The following CRYZ variants were observed in gnomAD, a reference collection of about 807,000 sequenced individuals.
The protein encoded by CRYZ is zeta-crystallin.
A neutral mutation model predicts 34.1 loss-of-function variants in CRYZ; 35 were observed. The observed-to-expected ratio is 1.03, with a 90% CI of 0.78 to 1.36. The LOEUF is 1.36. Ranked by LOEUF, CRYZ falls within the 40% of genes most tolerant of loss-of-function variation. The pLI, the probability that CRYZ is intolerant of heterozygous loss-of-function variation, is 0.00. For missense variants in CRYZ, 403 were observed against 391.8 expected, an observed-to-expected ratio of 1.03 and a Z score of -0.24; for synonymous variants, 137 against 136.5, an observed-to-expected ratio of 1.00 and a Z score of -0.03.
At chr1:74,709,579 C>A (rs868809988) in intron 6 of CRYZ, among the ~76,000 whole-genome samples, 1 of 152,194 alleles carries the variant, frequency 6.6e-6, no homozygotes, top group Non-Finnish European at 1.5e-5. Flanking sequence ...AAGTGAAGAA[C>A]TTCAGAATCT....
At position 74,724,695 on chromosome 1, in the gene CRYZ, G is replaced by GTAATTT; in HGVS notation, c.111+10_111+15dup. On this transcript the variant is annotated intron_variant, in intron 2 of 8. Coordinates refer to ENST00000340866, the MANE Select transcript of CRYZ (RefSeq NM_001889.4). The stretch of plus-strand genomic sequence containing the variant: ...TCAGTATAATTATAGCCTCAATAAA[G>GTAATTT]TAATTTTATTTCTACCTGATGGTCT... 5.3e-6 allele frequency: 8 copies of GTAATTT among 1,504,368 alleles called. No individual in the cohort carries two copies. Among genetic ancestry groups the GTAATTT allele is most frequent in the Non-Finnish European group, 6.4e-6 (7 of 1,085,774 alleles). 93.2% of individuals were successfully genotyped at this position (1,504,368 alleles called of 1,614,324 possible). A position where few individuals can be genotyped will look rare whatever the true frequency, so the allele number is the denominator to read the frequency against.
At chr1:74,711,840 T>A (rs1351718785) in intron 5 of CRYZ, among the ~76,000 whole-genome samples, 1 of 152,156 alleles carries the variant, frequency 6.6e-6, no homozygotes, top group Non-Finnish European at 1.5e-5. Flanking sequence ...AGCAATCAGT[T>A]GAATATGAGT....
chr1:74,714,473 C>T, intron 5 of CRYZ, 106 bp downstream of exon 5: 1 of 1,095,204 alleles, frequency 9.1e-7, no homozygotes, highest in Non-Finnish European at 1.3e-6. Flanking sequence ...AAAAAAGCAC[C>T]TTTGACTCTA....
At chr1:74,709,701 G>C (rs1569971779) in intron 6 of CRYZ, among the ~76,000 whole-genome samples, 1 of 152,090 alleles carries the variant, frequency 6.6e-6, no homozygotes, top group East Asian at 1.9e-4. Flanking sequence ...TATTCCCTGG[G>C]CCACACAGAT....
intron 1 of CRYZ, among the ~76,000 whole-genome samples, chr1:74,732,612 GGGGT>G (rs1446039006): frequency 5.6e-4 from 29 of 51,990 alleles, no homozygotes; most frequent in African/African-American, 1.3e-3. Context: ...GGGGGGGGGG[GGGGT>G]GCAGCGTGGG....
intron 1 of CRYZ, among the ~76,000 whole-genome samples, 160 bp from the exon 2 acceptor site, chr1:74,724,994 CA>C (rs1172467715): frequency 1.3e-5 from 2 of 152,194 alleles, no homozygotes; most frequent in Non-Finnish European, 2.9e-5. Context: ...TTTCATCTTA[CA>C]AATCCCTCAG....
chr1:74,715,654 G>C (rs1489056634), intron 4 of CRYZ, among the ~76,000 whole-genome samples: 4 of 152,144 alleles, frequency 2.6e-5, no homozygotes, highest in Non-Finnish European at 5.9e-5. Flanking sequence ...TAAGGGGATA[G>C]GATGACTAGT....
chr1:74,710,021 G>T, intron 6 of CRYZ, 77 bp downstream of exon 6: 1 of 1,302,696 alleles, frequency 7.7e-7, no homozygotes, highest in Admixed American at 2.1e-5. Flanking sequence ...GGAGTAGTTG[G>T]TTAAAAACAT....
chr1:74,722,978 TGACTAGAGGAG>T, intron 3 of CRYZ, 129 bp downstream of exon 3: 1 of 741,636 alleles, frequency 1.3e-6, no homozygotes, highest in Non-Finnish European at 2.1e-6. Flanking sequence ...ATTCCTTTTT[TGACTAGAGGAG>T]TCCCCCGAGT....
chr1:74,716,675 T>C (rs1222755627), intron 4 of CRYZ, among the ~76,000 whole-genome samples: 1 of 152,096 alleles, frequency 6.6e-6, no homozygotes, highest in Non-Finnish European at 1.5e-5. Flanking sequence ...TGAAAACCCA[T>C]ATTCTCTCAA....
rs1433722354 is a variant in CRYZ at position 74,706,959 on chromosome 1, T to TGAC, written c.767_768insGTC (p.Pro256_Arg257insSer). 1 of 1,613,020 alleles carries TGAC rather than the reference T, an allele frequency of 6.2e-7. No homozygotes were observed. Among genetic ancestry groups the TGAC allele is most frequent in the Non-Finnish European group, 8.5e-7 (1 of 1,179,412 alleles). On this transcript the variant is annotated inframe_insertion, in exon 8 of 9. Transcript: ENST00000340866. ...TCGACTCCTTTGCCATGGTGTCTCG[T>TGAC]GGGTTTATTTCAATAGTACCTCTGC...
intron 5 of CRYZ, 41 bp from the exon 6 acceptor site, chr1:74,710,288 A>C: frequency 6.3e-7 from 1 of 1,578,964 alleles, no homozygotes; most frequent in Non-Finnish European, 8.6e-7. Flanking sequence ...TATTCTCTAC[A>C]CTCCTGTAAA....
chr1:74,730,420 C>G (rs1039128908), intron 1 of CRYZ: 16 of 152,134 alleles, frequency 1.1e-4, no homozygotes, highest in Non-Finnish European at 2.1e-4. Flanking sequence ...AACGATGAAG[C>G]CTGTCAAAGG....
At chr1:74,710,420 C>A (rs1646986543) in intron 5 of CRYZ, among the ~76,000 whole-genome samples, 173 bp from the exon 6 acceptor site, 1 of 152,104 alleles carries the variant, frequency 6.6e-6, no homozygotes, top group Admixed American at 6.5e-5. Flanking sequence ...TTAAAATATT[C>A]CAGGAACCAT....
At chr1:74,719,431 G>T in intron 3 of CRYZ, 59 bp from the exon 4 acceptor site, 1 of 1,460,644 alleles carries the variant, frequency 6.8e-7, no homozygotes. Context: ...GTCAAAATAG[G>T]TATAATCCTT....
At chr1:74,717,211 T>C (rs1050858281) in intron 4 of CRYZ, among the ~76,000 whole-genome samples, 3 of 152,294 alleles carry the variant, frequency 2.0e-5, no homozygotes, top group African/African-American at 4.8e-5. Context: ...TCTGTAAATA[T>C]GTTCAAGTCT....
intron 1 of CRYZ, among the ~76,000 whole-genome samples, chr1:74,729,360 T>A (rs1195889263): frequency 6.6e-6 from 1 of 151,658 alleles, no homozygotes; most frequent in East Asian, 1.9e-4. Context: ...ATCTTGTATA[T>A]AGTAGACATC....
At chr1:74,720,323 G>A (rs981338654) in intron 3 of CRYZ, among the ~76,000 whole-genome samples, 7 of 150,604 alleles carry the variant, frequency 4.6e-5, no homozygotes, top group African/African-American at 1.7e-4. Flanking sequence ...GATGACCCAG[G>A]ACAGCCTTCT....
chr1:74,717,572 G>C (rs1026651931), intron 4 of CRYZ, among the ~76,000 whole-genome samples: 5 of 152,180 alleles, frequency 3.3e-5, no homozygotes, highest in African/African-American at 1.2e-4. Flanking sequence ...CCCGTACTAA[G>C]AACTTTATAC....
Sources: gnomAD v4.1 joint callset for allele counts (sites outside exome capture counted in the v4.1 genomes callset) on GRCh38, gnomAD v4.1.1 for gene constraint, MANE v1.5 for transcripts, NCBI Gene and HGNC (gene_info 2026-07-23, HGNC 2026-07-21) for gene names.